Variants in CCSER1 observed in about 807,000 individuals in gnomAD.
CCSER1 encodes the protein coiled-coil serine rich protein 1.
In CCSER1, 41 loss-of-function variants were observed where a neutral mutation model predicts 82.0. The observed-to-expected ratio is 0.50, with a 90% CI of 0.39 to 0.65. The LOEUF (loss-of-function observed/expected upper bound fraction) is 0.65, where lower values mean the gene tolerates loss of function less well. Among genes scored for constraint, CCSER1 ranks in the 30% least tolerant of loss-of-function variants. The pLI is 0.00. For synonymous variants in CCSER1, 414 were observed against 383.9 expected (o/e 1.08, Z -0.92); for missense variants, 1,119 against 1,064.2 (o/e 1.05, Z -0.72).
At chr4:91,230,449 C>G (rs535327213) in intron 10 of CCSER1, among the ~76,000 whole-genome samples, 3 of 151,064 alleles carry the variant, frequency 2.0e-5, no homozygotes, top group South Asian at 4.2e-4. Context: ...AAACTATATG[C>G]TCAACTAAAA....
At chr4:90,700,583 G>A (rs1038912826) in intron 6 of CCSER1, among the ~76,000 whole-genome samples, 10 of 152,144 alleles carry the variant, frequency 6.6e-5, no homozygotes, top group African/African-American at 2.4e-4. Context: ...CACAATGGTT[G>A]AACTAGTTTA....
At chr4:90,587,545 G>A (rs965055632) in intron 5 of CCSER1, among the ~76,000 whole-genome samples, 1 of 152,176 alleles carries the variant, frequency 6.6e-6, no homozygotes, top group African/African-American at 2.4e-5. Context: ...GGGAGGTGGA[G>A]GTTGATACAG....
intron 3 of CCSER1, among the ~76,000 whole-genome samples, chr4:90,385,460 GTTTTTTTT>G (rs199523272): frequency 1.5e-5 from 2 of 134,912 alleles, no homozygotes; most frequent in South Asian, 2.3e-4. Context: ...TCTCGGTGTA[GTTTTTTTT>G]TTTTTTTTTG....
At chr4:91,095,035 A>G (rs1312117309) in intron 10 of CCSER1, among the ~76,000 whole-genome samples, 1 of 152,150 alleles carries the variant, frequency 6.6e-6, no homozygotes, top group Admixed American at 6.6e-5. Context: ...CGTTGCTCCA[A>G]TTATATCAAT....
intron 4 of CCSER1, among the ~76,000 whole-genome samples, chr4:90,410,092 A>T (rs1289775834): frequency 6.6e-6 from 1 of 152,232 alleles, no homozygotes; most frequent in African/African-American, 2.4e-5. Context: ...TATCCTAAAT[A>T]TGCATGCACC....
intron 9 of CCSER1, among the ~76,000 whole-genome samples, chr4:90,941,152 T>C (rs913527030): frequency 1.3e-5 from 2 of 152,106 alleles, no homozygotes; most frequent in African/African-American, 4.8e-5. Flanking sequence ...GTGAGAATTA[T>C]TTATACAAAT....
intron 1 of CCSER1, among the ~76,000 whole-genome samples, chr4:90,266,763 T>C (rs1725306594): frequency 6.6e-6 from 1 of 151,994 alleles, no homozygotes; most frequent in Admixed American, 6.6e-5. Context: ...AAATTGCCCA[T>C]TCCTGGGGTT....
At chr4:90,217,674 G>T (rs1409231234) in intron 1 of CCSER1, among the ~76,000 whole-genome samples, 1 of 152,102 alleles carries the variant, frequency 6.6e-6, no homozygotes, top group African/African-American at 2.4e-5. Flanking sequence ...TCTTGTTCTG[G>T]TTCTCAAGGG....
intron 8 of CCSER1, among the ~76,000 whole-genome samples, chr4:90,853,974 A>G (rs1268604718): frequency 6.6e-6 from 1 of 152,236 alleles, no homozygotes; most frequent in African/African-American, 2.4e-5. Flanking sequence ...ATTTTAGGAC[A>G]TACTATATGC....
chr4:90,427,039 A>G (rs1241043148), intron 4 of CCSER1, among the ~76,000 whole-genome samples: 2 of 152,218 alleles, frequency 1.3e-5, no homozygotes, highest in African/African-American at 2.4e-5. Flanking sequence ...TTAAAAGTAA[A>G]TACTTATCAA....
At chr4:91,501,171 G>C (rs925836292) in intron 10 of CCSER1, among the ~76,000 whole-genome samples, 1 of 151,692 alleles carries the variant, frequency 6.6e-6, no homozygotes, top group Admixed American at 6.6e-5. Flanking sequence ...AAGACACTTG[G>C]ATAGTTTTTG....
Position 90,359,820 on chromosome 4 carries a change from GATATGTGTATAT to G in CCSER1, c.1510-40195_1510-40184del, listed in dbSNP as rs1160205219. On this transcript the variant is annotated intron_variant, in intron 3 of 10. Transcript: ENST00000509176. The stretch of plus-strand genomic sequence containing the variant: ...ATAACTTGTAAAAACTTTATATATA[GATATGTGTATAT>G]ATATGTGTATATATATGTGTGTATA... Among the ~76,000 whole-genome samples the G allele has an allele frequency of 5.0e-4, 75 of 148,804 alleles. 1 individual carries two copies. The highest frequency in any genetic ancestry group is 1.4e-3 in the African/African-American group (56 of 39,946).
At chr4:90,810,989 C>T (rs190575233) in intron 7 of CCSER1, among the ~76,000 whole-genome samples, 8 of 151,862 alleles carry the variant, frequency 5.3e-5, no homozygotes, top group Non-Finnish European at 8.8e-5. Flanking sequence ...CCCACCACCG[C>T]GCCCAACTAA....
chr4:90,246,203 T>A (rs1325440752), intron 1 of CCSER1, among the ~76,000 whole-genome samples: 1 of 152,136 alleles, frequency 6.6e-6, no homozygotes, highest in African/African-American at 2.4e-5. Context: ...TTAAAAATAA[T>A]GTGTATGTGT....
At chr4:90,584,443 C>T (rs1002834235) in intron 5 of CCSER1, among the ~76,000 whole-genome samples, 1 of 152,114 alleles carries the variant, frequency 6.6e-6, no homozygotes, top group African/African-American at 2.4e-5. Flanking sequence ...ACAGAAAAAG[C>T]TTGGGGGTGA....
At chr4:91,335,100 A>AT (rs1747230060) in intron 10 of CCSER1, among the ~76,000 whole-genome samples, 1 of 151,662 alleles carries the variant, frequency 6.6e-6, no homozygotes, top group South Asian at 2.1e-4. Context: ...CTGAGTGGGG[A>AT]TTTTTCAGCC....
intron 7 of CCSER1, among the ~76,000 whole-genome samples, chr4:90,769,210 G>T (rs911051595): frequency 1.3e-5 from 2 of 152,188 alleles, no homozygotes; most frequent in Admixed American, 1.3e-4. Context: ...CTTATCTCAA[G>T]AGATTTTTGA....
chr4:90,156,616 A>C (rs1202463152), intron 1 of CCSER1, among the ~76,000 whole-genome samples: 2 of 152,154 alleles, frequency 1.3e-5, no homozygotes, highest in African/African-American at 2.4e-5. Context: ...TGATCCCTTT[A>C]CCATTATGTA....
At chr4:90,690,242 T>C (rs1735578561) in intron 6 of CCSER1, among the ~76,000 whole-genome samples, 1 of 151,808 alleles carries the variant, frequency 6.6e-6, no homozygotes. Context: ...AGAAAGGGGG[T>C]TGGATAACTC....
Sources: gnomAD v4.1 joint callset for allele counts (sites outside exome capture counted in the v4.1 genomes callset) on GRCh38, gnomAD v4.1.1 for gene constraint, MANE v1.5 for transcripts, NCBI Gene and HGNC (gene_info 2026-07-23, HGNC 2026-07-21) for gene names.